Variants in EPHB1 observed in about 807,000 individuals in gnomAD.
EPHB1 encodes the protein ephrin type-B receptor 1.
In EPHB1, 30 loss-of-function variants were observed where a neutral mutation model predicts 94.4. The ratio of observed to expected loss-of-function variants is 0.32; its 90% CI spans 0.24 to 0.43. The LOEUF (loss-of-function observed/expected upper bound fraction) is 0.43, where lower values mean the gene tolerates loss of function less well. Among genes scored for constraint, EPHB1 ranks in the 20% least tolerant of loss-of-function variants. EPHB1 has a pLI of 1.00. For synonymous variants in EPHB1, 522 were observed against 489.1 expected, an observed-to-expected ratio of 1.07 and a Z score of -0.89; for missense variants, 1,055 against 1,308.3, an observed-to-expected ratio of 0.81 and a Z score of 2.99.
intron 5 of EPHB1, among the ~76,000 whole-genome samples, chr3:135,141,927 A>G (rs1353641497): frequency 6.6e-6 from 1 of 152,182 alleles, no homozygotes; most frequent in Non-Finnish European, 1.5e-5. Context: ...GGCAGCTGAC[A>G]TGGAGAACAA....
At chr3:135,106,049 A>T (rs2107798796) in intron 3 of EPHB1, among the ~76,000 whole-genome samples, 1 of 152,308 alleles carries the variant, frequency 6.6e-6, no homozygotes, top group South Asian at 2.1e-4. Flanking sequence ...CCATAGGATG[A>T]GATGTCTTTA....
intron 3 of EPHB1, among the ~76,000 whole-genome samples, chr3:135,076,257 A>ATG: frequency 1.1e-5 from 1 of 92,604 alleles, no homozygotes; most frequent in East Asian, 2.2e-4. Flanking sequence ...ATATATATAT[A>ATG]TATAACTCTT....
intron 15 of EPHB1, among the ~76,000 whole-genome samples, chr3:135,251,095 G>A (rs4456886): frequency 0.22 from 33,931 of 151,634 alleles, 3,993 homozygotes; most frequent in East Asian, 0.31. Context: ...CTTTCTCCAG[G>A]GAGATGGTTT....
chr3:134,883,797 C>T (rs1282311598), intron 1 of EPHB1, among the ~76,000 whole-genome samples: 3 of 152,080 alleles, frequency 2.0e-5, no homozygotes, highest in Non-Finnish European at 4.4e-5. Context: ...CCAGTGAGGC[C>T]GGAGACTCAG....
intron 2 of EPHB1, among the ~76,000 whole-genome samples, chr3:134,938,263 T>C (rs2039047583): frequency 6.6e-6 from 1 of 152,160 alleles, no homozygotes; most frequent in African/African-American, 2.4e-5. Context: ...TGCTGCTGCC[T>C]GGTGGAGGTT....
chr3:135,015,131 T>G (rs567977308), intron 3 of EPHB1, among the ~76,000 whole-genome samples: 1 of 152,308 alleles, frequency 6.6e-6, no homozygotes, highest in South Asian at 2.1e-4. Context: ...TTCCAGCAAC[T>G]GCCCTCTTGC....
At chr3:135,251,770 T>C (rs1933110095) in intron 15 of EPHB1, among the ~76,000 whole-genome samples, 1 of 152,182 alleles carries the variant, frequency 6.6e-6, no homozygotes, top group African/African-American at 2.4e-5. Context: ...GCCAAGGCAT[T>C]GTGGACAGAG....
At chr3:135,058,891 T>A (rs1937417975) in intron 3 of EPHB1, among the ~76,000 whole-genome samples, 1 of 152,296 alleles carries the variant, frequency 6.6e-6, no homozygotes, top group South Asian at 2.1e-4. Flanking sequence ...AATGGAGGGT[T>A]TAGTATGAAC....
intron 1 of EPHB1, among the ~76,000 whole-genome samples, chr3:134,869,411 CCGGG>C (rs1455781179): frequency 2.0e-5 from 3 of 152,132 alleles, no homozygotes; most frequent in African/African-American, 7.2e-5. Context: ...ACTACACCTT[CCGGG>C]GGAATTCAGT....
chr3:135,039,173 T>C (rs985482088), intron 3 of EPHB1, among the ~76,000 whole-genome samples: 2 of 151,942 alleles, frequency 1.3e-5, no homozygotes, highest in Non-Finnish European at 2.9e-5. Flanking sequence ...CCGATTGGTG[T>C]ATTTACAATC....
At chr3:134,866,235 A>G (rs991800499) in intron 1 of EPHB1, among the ~76,000 whole-genome samples, 5 of 152,214 alleles carry the variant, frequency 3.3e-5, no homozygotes, top group Admixed American at 6.5e-5. Flanking sequence ...CTCTTTCTAG[A>G]TGTATGTGGA....
chr3:135,248,275 G>A (rs2107731060), intron 13 of EPHB1, 41 bp from the exon 14 acceptor site: 4 of 1,477,884 alleles, frequency 2.7e-6, no homozygotes, highest in Non-Finnish European at 3.6e-6. Context: ...CTGGCTGGTG[G>A]CAGTCACTCA....
intron 3 of EPHB1, among the ~76,000 whole-genome samples, chr3:135,020,259 T>C (rs1291072844): frequency 6.6e-6 from 1 of 152,240 alleles, no homozygotes; most frequent in Non-Finnish European, 1.5e-5. Flanking sequence ...AATAGCTGTG[T>C]TGAGATATAA....
At chr3:134,799,899 T>C (rs2035904001) in intron 1 of EPHB1, among the ~76,000 whole-genome samples, 1 of 151,940 alleles carries the variant, frequency 6.6e-6, no homozygotes, top group African/African-American at 2.4e-5. Flanking sequence ...AGAAGAAGGG[T>C]GATGCTAGGG....
chr3:135,046,328 A>G (rs1292121362), intron 3 of EPHB1, among the ~76,000 whole-genome samples: 2 of 152,182 alleles, frequency 1.3e-5, no homozygotes, highest in Non-Finnish European at 2.9e-5. Flanking sequence ...GTGAGCTTCT[A>G]TTACTAGCTG....
At chr3:135,096,794 C>G (rs1416707919) in intron 3 of EPHB1, among the ~76,000 whole-genome samples, 1 of 152,204 alleles carries the variant, frequency 6.6e-6, no homozygotes, top group African/African-American at 2.4e-5. Flanking sequence ...GAGTCCTCAC[C>G]TCCAAGTAGT....
At chr3:135,045,615 G>A (rs186409208) in intron 3 of EPHB1, among the ~76,000 whole-genome samples, 48 of 152,290 alleles carry the variant, frequency 3.2e-4, no homozygotes, top group Non-Finnish European at 5.9e-4. Flanking sequence ...TCACTCCAAA[G>A]CAGACAACTG....
chr3:135,142,602 G>C (rs1300693881), intron 5 of EPHB1, among the ~76,000 whole-genome samples: 1 of 152,192 alleles, frequency 6.6e-6, no homozygotes, highest in African/African-American at 2.4e-5. Flanking sequence ...AAAAAGAGTT[G>C]CAGTGGGCTC....
At chr3:134,923,364 T>C (rs1225380322) in intron 1 of EPHB1, among the ~76,000 whole-genome samples, 1 of 152,194 alleles carries the variant, frequency 6.6e-6, no homozygotes, top group Non-Finnish European at 1.5e-5. Context: ...CCTGGCTCTG[T>C]TGGCTCCTGT....
Sources: gnomAD v4.1 joint callset for allele counts (sites outside exome capture counted in the v4.1 genomes callset) on GRCh38, gnomAD v4.1.1 for gene constraint, MANE v1.5 for transcripts, NCBI Gene and HGNC (gene_info 2026-07-23, HGNC 2026-07-21) for gene names.